CDK14: variants seen among roughly 807,000 people sequenced by gnomAD.
CDK14 encodes cyclin-dependent kinase 14.
Under a neutral mutation model 60.7 loss-of-function variants are expected in CDK14, and 34 were observed. The ratio of observed to expected loss-of-function variants is 0.56; its 90% CI spans 0.43 to 0.75. CDK14 has a LOEUF of 0.75. Ranked by LOEUF, CDK14 falls within the 30% of genes least tolerant of loss-of-function variation. The pLI, the probability that CDK14 is intolerant of heterozygous loss-of-function variation, is 0.00. For missense variants in CDK14, 482 were observed against 564.1 expected (o/e 0.85, Z 1.47); for synonymous variants, 197 against 203.7 (o/e 0.97, Z 0.28).
intron 10 of CDK14, among the ~76,000 whole-genome samples, chr7:91,035,853 T>TC (rs914832178): frequency 3.4e-5 from 5 of 147,856 alleles, no homozygotes; most frequent in Admixed American, 1.3e-4. Context: ...TTTTTTTTTT[T>TC]TGAGACGGAG....
At chr7:90,618,584 T>G (rs1238991259) in intron 2 of CDK14, among the ~76,000 whole-genome samples, 1 of 152,148 alleles carries the variant, frequency 6.6e-6, no homozygotes, top group Non-Finnish European at 1.5e-5. Flanking sequence ...ACTTTTTTGA[T>G]GTGCAACTGG....
chr7:90,629,574 A>G (rs1799948873), intron 2 of CDK14, among the ~76,000 whole-genome samples: 2 of 152,330 alleles, frequency 1.3e-5, no homozygotes, highest in African/African-American at 2.4e-5. Flanking sequence ...GAAGTGTGCT[A>G]CTGGTGTTTG....
chr7:90,926,812 A>T (rs958533828), intron 8 of CDK14, among the ~76,000 whole-genome samples: 1 of 152,172 alleles, frequency 6.6e-6, no homozygotes, highest in Non-Finnish European at 1.5e-5. Context: ...TGCCAGTTGC[A>T]AGTCCTGGAC....
At position 90,794,929 on chromosome 7, in the gene CDK14, C is replaced by G. The variant is rs557991433; in HGVS notation, c.544+4277C>G. Among the ~76,000 whole-genome samples the G allele has an allele frequency of 3.2e-4, 49 of 152,248 alleles. No homozygotes were observed. In the East Asian group the frequency reaches 9.1e-3, roughly 28 times the overall value. ...ATTAATTTGGGGAACTAATAAATGT[C>G]CATGAAATCTTCACAATTTATGTTC... On this transcript the variant is annotated intron_variant, in intron 5 of 14. Transcript: ENST00000380050.
intron 6 of CDK14, among the ~76,000 whole-genome samples, chr7:90,869,148 T>C (rs1466168762): frequency 6.6e-6 from 1 of 152,242 alleles, no homozygotes; most frequent in African/African-American, 2.4e-5. Context: ...TGTAGCTCTC[T>C]ATCAATATTT....
chr7:91,102,579 A>G (rs1799174899), intron 12 of CDK14, among the ~76,000 whole-genome samples: 1 of 152,056 alleles, frequency 6.6e-6, no homozygotes, highest in African/African-American at 2.4e-5. Flanking sequence ...AAGCAGGTGT[A>G]TCATCAGTTT....
intron 9 of CDK14, among the ~76,000 whole-genome samples, chr7:90,981,934 C>T (rs1158133206): frequency 6.6e-6 from 1 of 152,060 alleles, no homozygotes; most frequent in African/African-American, 2.4e-5. Context: ...ACTTCCCTGA[C>T]ACTAATGTGA....
At chr7:90,908,566 C>T (rs945459484) in intron 7 of CDK14, among the ~76,000 whole-genome samples, 5 of 152,172 alleles carry the variant, frequency 3.3e-5, no homozygotes, top group Non-Finnish European at 7.3e-5. Context: ...GTCACCTTGC[C>T]TCTCTCCAGT....
chr7:90,724,419 T>G (rs1802559224), intron 2 of CDK14, among the ~76,000 whole-genome samples: 1 of 151,894 alleles, frequency 6.6e-6, no homozygotes, highest in Admixed American at 6.5e-5. Flanking sequence ...TGTTTTCTAT[T>G]TTATTTATAT....
chr7:90,707,164 A>C (rs1163232876), intron 2 of CDK14, among the ~76,000 whole-genome samples: 1 of 151,994 alleles, frequency 6.6e-6, no homozygotes, highest in African/African-American at 2.4e-5. Flanking sequence ...GATACCTAAA[A>C]CTCAATGTGT....
intron 6 of CDK14, among the ~76,000 whole-genome samples, chr7:90,869,396 C>T (rs973332659): frequency 6.6e-5 from 10 of 152,266 alleles, no homozygotes; most frequent in African/African-American, 2.4e-4. Flanking sequence ...CTGTGGCTTG[C>T]AGGGAGCTAG....
intron 4 of CDK14, among the ~76,000 whole-genome samples, chr7:90,763,885 C>T (rs1244407257): frequency 6.6e-6 from 1 of 152,132 alleles, no homozygotes; most frequent in Non-Finnish European, 1.5e-5. Context: ...GTGTACCTGG[C>T]ACAGTTCTGG....
At position 90,668,696 on chromosome 7, in the gene CDK14, A is replaced by ATTATTTTTTTTTTTTTTTTT. The variant is rs1554431005; in HGVS notation, c.124-57869_124-57868insATTTTTTTTTTTTTTTTTTT. Among the ~76,000 whole-genome samples the ATTATTTTTTTTTTTTTTTTT allele has an allele frequency of 1.3e-3, 91 of 68,416 alleles. 4 individuals are homozygous for ATTATTTTTTTTTTTTTTTTT. Among genetic ancestry groups the ATTATTTTTTTTTTTTTTTTT allele is most frequent in the South Asian group, 1.5e-3 (3 of 1,982 alleles). 44.9% of individuals were successfully genotyped at this position (68,416 alleles called of 152,430 possible). ...TTATATGGTGTAAGGAAGGACTCGCATTCTTTTTTTTTTTTTTTTTTTTTT... is the reference window on the plus strand; with the variant it reads ...TTATATGGTGTAAGGAAGGACTCGCATTATTTTTTTTTTTTTTTTTTTCTTTTTTTTTTTTTTTTTTTTTT... On this transcript the variant is annotated intron_variant, in intron 2 of 14. Transcript: ENST00000380050.
intron 2 of CDK14, among the ~76,000 whole-genome samples, chr7:90,687,231 G>A (rs925005078): frequency 1.3e-5 from 2 of 152,078 alleles, no homozygotes; most frequent in Non-Finnish European, 2.9e-5. Flanking sequence ...TGAGGGATAC[G>A]TGTAGGGTAG....
rs556618614 is a variant in CDK14 at position 91,196,678 on chromosome 7, A to T, written c.*29-10487A>T. 3.3e-5 allele frequency among the ~76,000 whole-genome samples: 5 copies of T among 152,352 alleles called. No individual in the cohort carries two copies. The East Asian group carries it at 9.6e-4, about 29-fold the overall frequency. On this transcript the variant is annotated intron_variant, in intron 14 of 14. Coordinates refer to ENST00000380050, the MANE Select transcript of CDK14 (RefSeq NM_001287135.2). ...TGGTGGGGAACAAGTTGATGGTCTT[A>T]AGTTCAACAACCTCATTAGAGCAGA...
At chr7:90,781,389 T>C (rs1805312834) in intron 4 of CDK14, among the ~76,000 whole-genome samples, 1 of 152,036 alleles carries the variant, frequency 6.6e-6, no homozygotes, top group Admixed American at 6.6e-5. Flanking sequence ...TGATGGTAGT[T>C]TCTTTTGCTG....
intron 14 of CDK14, among the ~76,000 whole-genome samples, chr7:91,165,979 T>G (rs1362789752): frequency 6.6e-6 from 1 of 152,244 alleles, no homozygotes; most frequent in African/African-American, 2.4e-5. Flanking sequence ...AGCAAACTAA[T>G]GTAATGTGAG....
At chr7:90,793,746 G>A (rs1450000784) in intron 5 of CDK14, among the ~76,000 whole-genome samples, 1 of 152,160 alleles carries the variant, frequency 6.6e-6, no homozygotes, top group East Asian at 1.9e-4. Flanking sequence ...GCAAACTGTG[G>A]CTTGGGGCCT....
At chr7:91,132,000 TGTTG>T (rs3038327) in intron 14 of CDK14, among the ~76,000 whole-genome samples, 6 of 150,768 alleles carry the variant, frequency 4.0e-5, no homozygotes, top group Admixed American at 2.6e-4. Flanking sequence ...GAAGTTTTTT[TGTTG>T]GTTGGTTGGT....
Sources: gnomAD v4.1 joint callset for allele counts (sites outside exome capture counted in the v4.1 genomes callset) on GRCh38, gnomAD v4.1.1 for gene constraint, MANE v1.5 for transcripts, NCBI Gene and HGNC (gene_info 2026-07-23, HGNC 2026-07-21) for gene names.